TEAD1: variants seen among roughly 807,000 people sequenced by gnomAD.
The protein encoded by TEAD1 is TEA domain transcription factor 1.
A neutral mutation model predicts 54.9 loss-of-function variants in TEAD1; 9 were observed. The ratio of observed to expected loss-of-function variants is 0.16; its 90% CI spans 0.10 to 0.29. The LOEUF (loss-of-function observed/expected upper bound fraction) is 0.29. TEAD1 is among the 10% of genes least tolerant of loss of function. The pLI, the probability that TEAD1 is intolerant of heterozygous loss-of-function variation, is 1.00. For synonymous variants in TEAD1, 200 were observed against 187.8 expected (o/e 1.07, Z -0.53); for missense variants, 387 against 535.9 (o/e 0.72, Z 2.74).
chr11:12,833,390 A>G (rs1472236379), intron 3 of TEAD1, among the ~76,000 whole-genome samples: 1 of 152,234 alleles, frequency 6.6e-6, no homozygotes, highest in East Asian at 1.9e-4. Context: ...CTTGTGCTGA[A>G]TATTTTAATG....
At chr11:12,934,181 T>C (rs1949059176) in intron 12 of TEAD1, among the ~76,000 whole-genome samples, 1 of 152,194 alleles carries the variant, frequency 6.6e-6, no homozygotes, top group African/African-American at 2.4e-5. Context: ...ATGTGGCACA[T>C]ATACATCATG....
At chr11:12,873,784 G>C (rs1947801362) in intron 5 of TEAD1, among the ~76,000 whole-genome samples, 1 of 152,152 alleles carries the variant, frequency 6.6e-6, no homozygotes, top group Admixed American at 6.5e-5. Context: ...CTGCTCAAGG[G>C]GTATGGCTAA....
At chr11:12,935,149 T>C (rs1194109504) in intron 12 of TEAD1, among the ~76,000 whole-genome samples, 2 of 152,210 alleles carry the variant, frequency 1.3e-5, no homozygotes, top group African/African-American at 4.8e-5. Context: ...TAGCTCTTGC[T>C]ACCTGGCAGA....
At chr11:12,841,573 C>G (rs992609364) in intron 3 of TEAD1, among the ~76,000 whole-genome samples, 2 of 152,208 alleles carry the variant, frequency 1.3e-5, no homozygotes, top group Non-Finnish European at 2.9e-5. Flanking sequence ...CCCCTCCAGG[C>G]TGCTGTCATG....
At chr11:12,749,248 CCT>C (rs1291672838) in intron 2 of TEAD1, among the ~76,000 whole-genome samples, 1 of 151,978 alleles carries the variant, frequency 6.6e-6, no homozygotes, top group Non-Finnish European at 1.5e-5. Flanking sequence ...TGGAAGTCTC[CCT>C]GAGAGGGAGG....
At chr11:12,904,737 GT>G (rs1948489073) in intron 10 of TEAD1, 1 of 181,494 alleles carries the variant, frequency 5.5e-6, no homozygotes, top group Non-Finnish European at 1.2e-5. Context: ...AATTTGCTCA[GT>G]TTTAATTTCC....
rs556841634 is a variant in TEAD1, at chr11:12,845,393, C to T, written c.203-16857C>T. The stretch of plus-strand genomic sequence containing the variant: ...TTCAAAGCACTATCGTGTGTGTGTG[C>T]GCACACGCACACACAGTAGCTAGAA... On this transcript the variant is annotated intron_variant, in intron 3 of 12. Transcript: ENST00000527636. Among the ~76,000 whole-genome samples the T allele has an allele frequency of 3.3e-5, 5 of 152,188 alleles. 1 individual carries two copies. Among genetic ancestry groups the T allele is most frequent in the South Asian group, 4.1e-4 (2 of 4,822 alleles).
chr11:12,864,111 ATT>A (rs1044863123), intron 4 of TEAD1, among the ~76,000 whole-genome samples: 1 of 151,542 alleles, frequency 6.6e-6, no homozygotes, highest in Non-Finnish European at 1.5e-5. Flanking sequence ...GGGTCTTTCC[ATT>A]TCTCTTTGAG....
chr11:12,862,199 T>C (rs746733437), intron 3 of TEAD1, 51 bp from the exon 4 acceptor site: 16 of 1,484,514 alleles, frequency 1.1e-5, no homozygotes, highest in Non-Finnish European at 1.4e-5. Context: ...AGGGCTTTGT[T>C]GGTTTGGTGT....
intron 10 of TEAD1, among the ~76,000 whole-genome samples, chr11:12,905,179 C>A (rs893556166): frequency 6.6e-6 from 1 of 152,066 alleles, no homozygotes; most frequent in Non-Finnish European, 1.5e-5. Context: ...GCATAGAGTG[C>A]GCTTAGAAAG....
intron 3 of TEAD1, among the ~76,000 whole-genome samples, chr11:12,808,746 T>A (rs934516261): frequency 6.6e-6 from 1 of 152,210 alleles, no homozygotes; most frequent in Non-Finnish European, 1.5e-5. Flanking sequence ...TCTCTGCCTT[T>A]ACTCATCACC....
chr11:12,812,631 A>T (rs780416839), intron 3 of TEAD1, among the ~76,000 whole-genome samples: 10 of 152,228 alleles, frequency 6.6e-5, no homozygotes, highest in Non-Finnish European at 1.3e-4. Context: ...TATCTAATAT[A>T]AAACCTATGA....
At chr11:12,760,670 G>A (rs1945082470) in intron 2 of TEAD1, among the ~76,000 whole-genome samples, 1 of 152,128 alleles carries the variant, frequency 6.6e-6, no homozygotes, top group Non-Finnish European at 1.5e-5. Flanking sequence ...TATAGATTCA[G>A]AATCGAGGTA....
intron 10 of TEAD1, among the ~76,000 whole-genome samples, chr11:12,920,396 T>A (rs1169270431): frequency 5.3e-5 from 8 of 152,228 alleles, no homozygotes; most frequent in Admixed American, 2.0e-4. Context: ...TGACAGTTTT[T>A]AAAAACAATC....
At chr11:12,717,652 A>G (rs1944092797) in intron 2 of TEAD1, among the ~76,000 whole-genome samples, 4 of 152,174 alleles carry the variant, frequency 2.6e-5, no homozygotes, top group Admixed American at 6.5e-5. Context: ...GAAAGTGGGA[A>G]GCATCTGGAA....
chr11:12,762,624 G>A (rs1393732722), intron 2 of TEAD1, among the ~76,000 whole-genome samples: 1 of 152,024 alleles, frequency 6.6e-6, no homozygotes, highest in Non-Finnish European at 1.5e-5. Context: ...GGTTTTTTGT[G>A]TATTTTTTTT....
At chr11:12,779,308 C>T (rs1945497204) in intron 3 of TEAD1, among the ~76,000 whole-genome samples, 1 of 152,086 alleles carries the variant, frequency 6.6e-6, no homozygotes, top group Admixed American at 6.5e-5. Context: ...TTCCAGGATA[C>T]AAAATCTGGT....
intron 3 of TEAD1, among the ~76,000 whole-genome samples, chr11:12,777,920 T>A (rs927969364): frequency 6.6e-6 from 1 of 152,186 alleles, no homozygotes; most frequent in Non-Finnish European, 1.5e-5. Context: ...CCTTTTGAAA[T>A]GTATGAATCT....
intron 3 of TEAD1, among the ~76,000 whole-genome samples, chr11:12,852,263 G>A (rs1385381108): frequency 6.6e-6 from 1 of 152,080 alleles, no homozygotes; most frequent in Admixed American, 6.6e-5. Flanking sequence ...TGTTTTGCTT[G>A]TAGTGGATGA....
Sources: gnomAD v4.1 joint callset for allele counts (sites outside exome capture counted in the v4.1 genomes callset) on GRCh38, gnomAD v4.1.1 for gene constraint, MANE v1.5 for transcripts, NCBI Gene and HGNC (gene_info 2026-07-23, HGNC 2026-07-21) for gene names.